C18orf54: variants seen among roughly 807,000 people sequenced by gnomAD.
C18orf54 encodes the protein chromosome 18 open reading frame 54.
In C18orf54, 49 loss-of-function variants were observed where a neutral mutation model predicts 49.3. The observed-to-expected ratio is 0.99, with a 90% confidence interval of 0.79 to 1.26. The LOEUF (loss-of-function observed/expected upper bound fraction) is 1.26, where lower values mean the gene tolerates loss of function less well. Ranked by LOEUF, C18orf54 falls within the 50% of genes most tolerant of loss-of-function variation. C18orf54 has a pLI of 0.00. For synonymous variants in C18orf54, 211 were observed against 216.6 expected (o/e 0.97, Z 0.23); for missense variants, 687 against 620.6 (o/e 1.11, Z -1.14).
chr18:54,368,001 C>T (rs1274107816), intron 6 of C18orf54, among the ~76,000 whole-genome samples: 1 of 151,910 alleles, frequency 6.6e-6, no homozygotes, highest in East Asian at 1.9e-4. Context: ...TTCCATTCAT[C>T]GAATTCTTCA....
At chr18:54,361,147 A>G (rs1054465633) in intron 3 of C18orf54, among the ~76,000 whole-genome samples, 4 of 152,256 alleles carry the variant, frequency 2.6e-5, no homozygotes, top group African/African-American at 9.6e-5. Context: ...TGACCCTAGA[A>G]TAGAAAAAGT....
chr18:54,359,816 A>G (rs1017099942), intron 2 of C18orf54, among the ~76,000 whole-genome samples: 1 of 152,218 alleles, frequency 6.6e-6, no homozygotes. Flanking sequence ...AGAAGAACAC[A>G]TTGAGTTGAT....
In C18orf54 at chr18:54,371,628, A is replaced by G. The variant is rs112519294; in HGVS notation, c.1327-838A>G. ...CGCTCCATTTCTTATATCCTGTTCTATAACTGTGGAAGTGTCTTTAAAATC... is the reference window on the plus strand; with the variant it reads ...CGCTCCATTTCTTATATCCTGTTCTGTAACTGTGGAAGTGTCTTTAAAATC... On this transcript the variant is annotated intron_variant, in intron 6 of 8. Coordinates refer to ENST00000620105, the MANE Select transcript of C18orf54 (RefSeq NM_001288980.2). Among the ~76,000 whole-genome samples the G allele has an allele frequency of 3.6e-3, 553 of 152,248 alleles. 6 individuals are homozygous for G. Among genetic ancestry groups the G allele is most frequent in the African/African-American group, 0.012 (499 of 41,552 alleles).
chr18:54,370,903 AG>A (rs2089474969), intron 6 of C18orf54, among the ~76,000 whole-genome samples: 1 of 151,112 alleles, frequency 6.6e-6, no homozygotes, highest in African/African-American at 2.4e-5. Context: ...GCTATCTCCC[AG>A]GGTGTAGGAG....
rs146483091 is a variant in C18orf54, at chr18:54,363,208, T to C, written c.1223+287T>C. Among the ~76,000 whole-genome samples the C allele has an allele frequency of 2.6e-4, 40 of 152,316 alleles. 1 individual carries two copies. The East Asian group carries it at 7.7e-3, about 29-fold the overall frequency. On this transcript the variant is annotated intron_variant, in intron 5 of 8. Transcript: ENST00000620105. The stretch of plus-strand genomic sequence containing the variant: ...TATGAGGGATTAGAACCAGAAACAA[T>C]TATTTTGCAGAGTAGTGTTATGAAA...
At chr18:54,370,665 T>C (rs1320674628) in intron 6 of C18orf54, among the ~76,000 whole-genome samples, 2 of 152,182 alleles carry the variant, frequency 1.3e-5, no homozygotes, top group Admixed American at 1.3e-4. Context: ...GTATTATCCA[T>C]ACAATATTTT....
intron 6 of C18orf54, among the ~76,000 whole-genome samples, chr18:54,366,814 A>G (rs968164911): frequency 6.0e-5 from 4 of 66,474 alleles, no homozygotes; most frequent in Admixed American, 3.1e-4. Flanking sequence ...TTGAGTGTTT[A>G]ATAAAAAAAA....
At chr18:54,371,227 A>G (rs1245100038) in intron 6 of C18orf54, among the ~76,000 whole-genome samples, 1 of 152,164 alleles carries the variant, frequency 6.6e-6, no homozygotes, top group Non-Finnish European at 1.5e-5. Context: ...AACCTCGTGT[A>G]AGAAGAATCA....
intron 6 of C18orf54, among the ~76,000 whole-genome samples, chr18:54,368,252 TC>T (rs143590642): frequency 0.01 from 1,535 of 152,260 alleles, 17 homozygotes; most frequent in African/African-American, 0.033. Context: ...TCTTGGTTTT[TC>T]ATATTTCTTG....
At position 54,365,707 on chromosome 18, in the gene C18orf54, A is replaced by C. The variant is rs1356961409; in HGVS notation, c.1224-12A>C. 1.3e-6 allele frequency: 2 copies of C among 1,527,218 alleles called. No individual in the cohort carries two copies. Among genetic ancestry groups the C allele is most frequent in the African/African-American group, 2.7e-5 (2 of 73,260 alleles). The allele number at this position is 1,527,218 out of a possible 1,614,324, so 94.6% of individuals were successfully genotyped here. On this transcript the variant is annotated splice_polypyrimidine_tract_variant and intron_variant, in intron 5 of 8. Transcript: ENST00000620105. Reference sequence around the variant, plus strand: ...CTTAATTGCTATCTTGCATCCTTTAAATCCTGTTTAGCAAATCTCCTGTTC... The same window carrying C: ...CTTAATTGCTATCTTGCATCCTTTACATCCTGTTTAGCAAATCTCCTGTTC...
intron 3 of C18orf54, 106 bp from the exon 4 acceptor site, chr18:54,361,537 A>T: frequency 1.0e-6 from 1 of 961,866 alleles, no homozygotes; most frequent in Non-Finnish European, 1.5e-6. Flanking sequence ...TTTAGTGAGG[A>T]TAAGGGGAAA....
At chr18:54,367,599 G>A (rs934483987) in intron 6 of C18orf54, among the ~76,000 whole-genome samples, 13 of 152,056 alleles carry the variant, frequency 8.5e-5, no homozygotes, top group Non-Finnish European at 1.6e-4. Context: ...CAGTCTAATG[G>A]GAATTCCTTA....
At chr18:54,375,834 A>T (rs949937259) in intron 8 of C18orf54, among the ~76,000 whole-genome samples, 3 of 152,076 alleles carry the variant, frequency 2.0e-5, no homozygotes, top group African/African-American at 7.2e-5. Context: ...GAGCAGTCTT[A>T]ATTTGTCTTT....
In C18orf54 at chr18:54,360,674, T is replaced by A; in HGVS notation, c.102T>A (p.Ser34=). The change falls in exon 3 of 9, where the codon TCT becomes TCA. Residue 34 remains serine, a synonymous_variant. Coordinates refer to ENST00000620105, the MANE Select transcript of C18orf54 (RefSeq NM_001288980.2). ...TGAGTGGTAGTAATTCCTCTAATTCTGATGGCTCGTTTCACTATAAAGATA... is the reference window on the plus strand; with the variant it reads ...TGAGTGGTAGTAATTCCTCTAATTCAGATGGCTCGTTTCACTATAAAGATA... ...CTLSGSNSSN[S]DGSFHYKDKL... 1.2e-6 allele frequency: 2 copies of A among 1,614,126 alleles called. No individual in the cohort carries two copies. The highest frequency in any genetic ancestry group is 1.1e-5 in the South Asian group (1 of 91,082).
Position 54,365,635 on chromosome 18 carries a change from A to G in C18orf54, c.1224-84A>G, listed in dbSNP as rs542230935. On this transcript the variant is annotated intron_variant, in intron 5 of 8. Transcript: ENST00000620105. Reference sequence around the variant, plus strand: ...TTTCTTGGTGACTACTTGTATTTAAATGAGAATTCTTAAATTATATACTGT... The same window carrying G: ...TTTCTTGGTGACTACTTGTATTTAAGTGAGAATTCTTAAATTATATACTGT... The G allele has an allele frequency of 5.2e-5, 36 of 688,884 alleles. No individual in the cohort carries two copies. In the Admixed American group the frequency reaches 8.1e-4, roughly 16 times the overall value. 42.7% of individuals were successfully genotyped at this position (688,884 alleles called of 1,614,324 possible).
In C18orf54 at chr18:54,372,591, T is replaced by C; in HGVS notation, c.1452T>C (p.Ile484=). ...AGACCACAGATCCAAAAGAAGAGAT[T>C]AAACAAGTAAGCACAAACATGATTT... is the stretch of plus-strand genomic sequence containing the variant. ...QNKTTDPKEE[I]KQVSEDDFSK... Residue 484 remains isoleucine, a synonymous_variant, in exon 7 of 9, where the codon ATT becomes ATC. Transcript: ENST00000620105. 6.3e-7 allele frequency: 1 copy of C among 1,595,486 alleles called. No individual in the cohort carries two copies.
intron 6 of C18orf54, among the ~76,000 whole-genome samples, chr18:54,368,866 CTAATT>C (rs1232414989): frequency 6.6e-6 from 1 of 152,088 alleles, no homozygotes; most frequent in Non-Finnish European, 1.5e-5. Context: ...TACAGATTCA[CTAATT>C]TATTTTATTC....
At position 54,362,438 on chromosome 18, in the gene C18orf54, C is replaced by CT; in HGVS notation, c.1072+10dup. On this transcript the variant is annotated splice_region_variant and intron_variant, in intron 4 of 8. Transcript: ENST00000620105. ...TCCACAAAGCCATTCAGTGGTAATA[C>CT]TTTGTTTATTGCTTATAGTTATTTA... The CT allele has an allele frequency of 6.8e-7, 1 of 1,479,712 alleles. No homozygotes were observed. The highest frequency in any genetic ancestry group is 2.5e-5 in the East Asian group (1 of 40,430). The allele number at this position is 1,479,712 out of a possible 1,614,324, so 91.7% of individuals were successfully genotyped here. A position where few individuals can be genotyped will look rare whatever the true frequency, so the allele number is the denominator to read the frequency against.
chr18:54,368,851 A>G (rs1369450317), intron 6 of C18orf54, among the ~76,000 whole-genome samples: 5 of 152,194 alleles, frequency 3.3e-5, no homozygotes, highest in African/African-American at 9.7e-5. Context: ...AGCAAATTAT[A>G]TTAGTACAGA....
Sources: allele counts gnomAD v4.1 joint callset (sites outside exome capture counted in the v4.1 genomes callset), GRCh38; gene constraint gnomAD v4.1.1; transcripts MANE v1.5; gene names NCBI Gene and HGNC (gene_info 2026-07-23, HGNC 2026-07-21).